The following ARMH4 variants were observed in gnomAD, a reference collection of about 807,000 sequenced individuals.
The protein encoded by ARMH4 is armadillo like helical domain containing 4.
Under a neutral mutation model 61.9 loss-of-function variants are expected in ARMH4, and 49 were observed. That is an observed-to-expected ratio of 0.79 (90% CI 0.63 to 1.00). The LOEUF is 1.00. ARMH4 is among the 50% of genes least tolerant of loss of function. ARMH4 has a pLI of 0.00. For synonymous variants in ARMH4, 368 were observed against 341.5 expected, an observed-to-expected ratio of 1.08 and a Z score of -0.85; for missense variants, 934 against 930.0, an observed-to-expected ratio of 1.00 and a Z score of -0.06.
chr14:58,054,883 A>AAAATAAT (rs374230526), intron 5 of ARMH4, among the ~76,000 whole-genome samples: 5 of 138,460 alleles, frequency 3.6e-5, no homozygotes, highest in Admixed American at 2.1e-4. Flanking sequence ...AAAAAAAAAA[A>AAAATAAT]AATAATAATA....
At chr14:58,077,217 G>T (rs1594742997) in intron 5 of ARMH4, among the ~76,000 whole-genome samples, 1 of 152,206 alleles carries the variant, frequency 6.6e-6, no homozygotes, top group South Asian at 2.1e-4. Flanking sequence ...TTACAAAAGG[G>T]TGGTTGTTCT....
chr14:58,050,379 A>G (rs541529047), intron 5 of ARMH4, among the ~76,000 whole-genome samples: 34 of 152,334 alleles, frequency 2.2e-4, no homozygotes, highest in African/African-American at 7.9e-4. Flanking sequence ...TCAAAGCCCT[A>G]TCCTTACACT....
At chr14:58,108,479 T>C (rs1284539542) in intron 4 of ARMH4, among the ~76,000 whole-genome samples, 1 of 152,228 alleles carries the variant, frequency 6.6e-6, no homozygotes, top group Non-Finnish European at 1.5e-5. Context: ...CTTAAAGCCA[T>C]ACAAAGTTAC....
intron 5 of ARMH4, among the ~76,000 whole-genome samples, chr14:58,039,002 C>T (rs906494467): frequency 6.6e-6 from 1 of 152,208 alleles, no homozygotes; most frequent in Non-Finnish European, 1.5e-5. Context: ...CCCACCACCA[C>T]CCCTGGAGCC....
At chr14:58,011,419 G>T (rs1408665596) in intron 6 of ARMH4, among the ~76,000 whole-genome samples, 1 of 152,070 alleles carries the variant, frequency 6.6e-6, no homozygotes, top group Non-Finnish European at 1.5e-5. Flanking sequence ...CCACTGAAAA[G>T]ATTTCCATTT....
intron 5 of ARMH4, among the ~76,000 whole-genome samples, chr14:58,052,583 C>T (rs1884183505): frequency 6.6e-6 from 1 of 152,130 alleles, no homozygotes; most frequent in South Asian, 2.1e-4. Flanking sequence ...CCACGTTTCC[C>T]CTCACCTCTC....
intron 5 of ARMH4, among the ~76,000 whole-genome samples, chr14:58,032,671 G>A (rs916190821): frequency 5.9e-5 from 9 of 151,928 alleles, no homozygotes; most frequent in Non-Finnish European, 1.3e-4. Flanking sequence ...GTGCCAGACA[G>A]TGGGCGCAGG....
intron 5 of ARMH4, among the ~76,000 whole-genome samples, chr14:58,032,148 C>T (rs1024311933): frequency 6.6e-6 from 1 of 152,100 alleles, no homozygotes; most frequent in Non-Finnish European, 1.5e-5. Context: ...CTGTTCTGGG[C>T]CCTACACTAG....
In ARMH4 at chr14:58,080,133, A is replaced by AT. The variant is rs1491563666; in HGVS notation, c.2089+16590_2089+16591insA. On this transcript the variant is annotated intron_variant, in intron 5 of 7. Transcript: ENST00000267485. ...TATATTTATTTATATATATATATAT[A>AT]AAATTTTTTTTTTGAGATGGAGTTT... 6.1e-3 allele frequency among the ~76,000 whole-genome samples: 901 copies of AT among 148,406 alleles called. 13 individuals are homozygous for AT. Among genetic ancestry groups the AT allele is most frequent in the African/African-American group, 0.021 (830 of 40,256 alleles).
At chr14:58,041,304 C>A (rs1381540064) in intron 5 of ARMH4, among the ~76,000 whole-genome samples, 1 of 152,028 alleles carries the variant, frequency 6.6e-6, no homozygotes, top group African/African-American at 2.4e-5. Flanking sequence ...AACGGCACAC[C>A]AGGAGATTTT....
intron 5 of ARMH4, among the ~76,000 whole-genome samples, chr14:58,032,917 G>A (rs963445855): frequency 6.6e-6 from 1 of 151,130 alleles, no homozygotes; most frequent in East Asian, 2.0e-4. Flanking sequence ...ACGGAATCTC[G>A]CTGATTGCTA....
intron 1 of ARMH4, among the ~76,000 whole-genome samples, chr14:58,151,248 C>T (rs1887909058): frequency 6.6e-6 from 1 of 152,148 alleles, no homozygotes; most frequent in Admixed American, 6.6e-5. Flanking sequence ...TCTTAAGGGT[C>T]CTGTTTTGTT....
intron 5 of ARMH4, among the ~76,000 whole-genome samples, chr14:58,018,702 A>G (rs72714769): frequency 0.041 from 6,294 of 152,312 alleles, 144 homozygotes; most frequent in Middle Eastern, 0.051. Flanking sequence ...GCCATTATAG[A>G]AAACAGTATG....
intron 4 of ARMH4, among the ~76,000 whole-genome samples, chr14:58,113,608 C>T (rs1886422646): frequency 6.6e-6 from 1 of 152,016 alleles, no homozygotes; most frequent in Admixed American, 6.6e-5. Flanking sequence ...CTTCCATTCT[C>T]TCTATTTTCT....
At chr14:58,107,040 A>T (rs553995243) in intron 4 of ARMH4, among the ~76,000 whole-genome samples, 3 of 152,170 alleles carry the variant, frequency 2.0e-5, no homozygotes, top group African/African-American at 2.4e-5. Flanking sequence ...GACCCTGAGT[A>T]ATTTTAGTAA....
At chr14:58,043,175 C>A (rs1285673246) in intron 5 of ARMH4, among the ~76,000 whole-genome samples, 1 of 152,172 alleles carries the variant, frequency 6.6e-6, no homozygotes, top group Non-Finnish European at 1.5e-5. Flanking sequence ...AGACCAATAT[C>A]CCTGAAGAAC....
At chr14:58,151,760 G>A (rs1887932166) in intron 1 of ARMH4, among the ~76,000 whole-genome samples, 1 of 152,234 alleles carries the variant, frequency 6.6e-6, no homozygotes, top group Non-Finnish European at 1.5e-5. Flanking sequence ...AGCCCTGCAA[G>A]CTCCGCCAGC....
At chr14:58,044,356 A>C (rs897056991) in intron 5 of ARMH4, among the ~76,000 whole-genome samples, 14 of 152,172 alleles carry the variant, frequency 9.2e-5, no homozygotes, top group Non-Finnish European at 1.5e-4. Context: ...CAAAAACAAG[A>C]AATGGGGAAA....
intron 4 of ARMH4, among the ~76,000 whole-genome samples, chr14:58,117,584 C>A (rs752411090): frequency 1.6e-4 from 25 of 152,124 alleles, no homozygotes; most frequent in Non-Finnish European, 3.5e-4. Context: ...CTTTGTGCCC[C>A]ACTTCCCAGG....
Sources: allele counts gnomAD v4.1 joint callset (sites outside exome capture counted in the v4.1 genomes callset), GRCh38; gene constraint gnomAD v4.1.1; transcripts MANE v1.5; gene names NCBI Gene and HGNC (gene_info 2026-07-23, HGNC 2026-07-21).